The following SORCS1 variants were observed in gnomAD, a reference collection of about 807,000 sequenced individuals.
The protein encoded by SORCS1 is VPS10 domain-containing receptor SorCS1.
SORCS1 carries 60 observed loss-of-function variants against 146.1 expected under a neutral mutation model. The ratio of observed to expected loss-of-function variants is 0.41; its 90% CI spans 0.33 to 0.51. The LOEUF (loss-of-function observed/expected upper bound fraction) is 0.51. Among genes scored for constraint, SORCS1 ranks in the 20% least tolerant of loss-of-function variants. The probability of loss-of-function intolerance (pLI) is 0.21; values close to 1 mark genes in which losing one functional copy is unlikely to be tolerated. For synonymous variants in SORCS1, 637 were observed against 584.0 expected (o/e 1.09, Z -1.31); for missense variants, 1,352 against 1,487.6 (o/e 0.91, Z 1.50).
In SORCS1 at chr10:106,706,651, A is replaced by G; in HGVS notation, c.1144-17T>C. The G allele has an allele frequency of 1.9e-6, 3 of 1,613,278 alleles. No individual in the cohort carries two copies. The highest frequency in any genetic ancestry group is 2.5e-6 in the Non-Finnish European group (3 of 1,179,226). On this transcript the variant is annotated splice_polypyrimidine_tract_variant and intron_variant, in intron 7 of 25. Transcript: ENST00000263054. ...TGATGTCAGCTGGATCATAAAAACA[A>G]GACTGTAAGAAGCTCGAGCTACTGT...
At chr10:106,704,981 C>T (rs1854414953) in intron 8 of SORCS1, among the ~76,000 whole-genome samples, 2 of 152,056 alleles carry the variant, frequency 1.3e-5, no homozygotes, top group South Asian at 4.1e-4. Flanking sequence ...TCTGACAGAC[C>T]TTCCTAAGAG....
At chr10:106,958,649 G>C (rs1318069032) in intron 1 of SORCS1, among the ~76,000 whole-genome samples, 1 of 151,656 alleles carries the variant, frequency 6.6e-6, no homozygotes, top group Non-Finnish European at 1.5e-5. Context: ...CTACAGCACA[G>C]CTTCCTTCCT....
intron 1 of SORCS1, among the ~76,000 whole-genome samples, chr10:107,033,239 T>A (rs1317051854): frequency 2.6e-5 from 4 of 152,038 alleles, no homozygotes; most frequent in African/African-American, 9.7e-5. Flanking sequence ...GAGAACTCAC[T>A]CACCATCACG....
chr10:106,599,791 G>A (rs1045567595), intron 23 of SORCS1, among the ~76,000 whole-genome samples: 2 of 150,722 alleles, frequency 1.3e-5, no homozygotes, highest in African/African-American at 4.9e-5. Flanking sequence ...TTGAGACAGA[G>A]TTGGAGTCTT....
intron 6 of SORCS1, among the ~76,000 whole-genome samples, chr10:106,718,425 G>A (rs553037735): frequency 1.1e-4 from 17 of 152,262 alleles, no homozygotes; most frequent in East Asian, 5.8e-4. Context: ...TGGTGTGCCC[G>A]GAGTTTATTC....
intron 1 of SORCS1, among the ~76,000 whole-genome samples, chr10:107,119,381 G>T (rs1445035307): frequency 6.6e-6 from 1 of 152,160 alleles, no homozygotes; most frequent in Admixed American, 6.5e-5. Context: ...GAAAGGCTAT[G>T]GTTTGTATAT....
chr10:106,630,848 T>TA (rs200290220), intron 18 of SORCS1, among the ~76,000 whole-genome samples: 11,886 of 142,092 alleles, frequency 0.084, 536 homozygotes, highest in East Asian at 0.21. Context: ...CCCAGACCTG[T>TA]AAAAAAAAAA....
chr10:106,732,482 C>A (rs571664166), intron 5 of SORCS1, among the ~76,000 whole-genome samples: 121 of 152,274 alleles, frequency 7.9e-4, no homozygotes, highest in African/African-American at 2.8e-3. Context: ...AAGCCTCAAT[C>A]CAGAAAGCTC....
intron 1 of SORCS1, among the ~76,000 whole-genome samples, chr10:106,963,115 T>TTTTTTTTTTTTA (rs1420203635): frequency 9.7e-6 from 1 of 103,474 alleles, no homozygotes; most frequent in Non-Finnish European, 1.8e-5. Flanking sequence ...CCAGAATTTT[T>TTTTTTTTTTTTA]TTTTTTTTTT....
intron 2 of SORCS1, among the ~76,000 whole-genome samples, chr10:106,851,210 G>C (rs995303891): frequency 7.9e-5 from 12 of 152,052 alleles, no homozygotes; most frequent in African/African-American, 2.9e-4. Context: ...AATGAAGTCT[G>C]GATTACCCAT....
intron 2 of SORCS1, among the ~76,000 whole-genome samples, chr10:106,842,816 T>C (rs1767817387): frequency 6.6e-6 from 1 of 151,882 alleles, no homozygotes; most frequent in South Asian, 2.1e-4. Context: ...TTTCACCATG[T>C]AGGCCAGGCT....
intron 2 of SORCS1, among the ~76,000 whole-genome samples, chr10:106,871,359 A>G (rs187089187): frequency 6.6e-5 from 10 of 152,188 alleles, no homozygotes; most frequent in Non-Finnish European, 1.0e-4. Flanking sequence ...AACCAGAACT[A>G]CCATTCCACC....
intron 2 of SORCS1, among the ~76,000 whole-genome samples, chr10:106,881,201 A>G (rs989106575): frequency 1.3e-5 from 2 of 152,170 alleles, no homozygotes; most frequent in African/African-American, 4.8e-5. Flanking sequence ...AGGGACAGCT[A>G]GACCTTCATT....
intron 1 of SORCS1, among the ~76,000 whole-genome samples, chr10:107,044,692 G>A (rs558732029): frequency 6.0e-5 from 9 of 150,700 alleles, no homozygotes; most frequent in African/African-American, 1.7e-4. Flanking sequence ...GTGTTGTGGC[G>A]GGCGTCTGTA....
At chr10:106,906,068 G>C (rs751222392) in intron 2 of SORCS1, among the ~76,000 whole-genome samples, 1 of 152,142 alleles carries the variant, frequency 6.6e-6, no homozygotes, top group South Asian at 2.1e-4. Flanking sequence ...TTTTCATGCT[G>C]CTGATAAAGA....
At chr10:106,623,265 C>G (rs1589500061) in intron 19 of SORCS1, among the ~76,000 whole-genome samples, 1 of 138,514 alleles carries the variant, frequency 7.2e-6, no homozygotes, top group Non-Finnish European at 1.5e-5. Flanking sequence ...TTTTTTGAGA[C>G]AGAGTCTCAC....
chr10:106,748,756 G>A (rs963614114), intron 5 of SORCS1, among the ~76,000 whole-genome samples: 1 of 152,144 alleles, frequency 6.6e-6, no homozygotes, highest in Non-Finnish European at 1.5e-5. Context: ...CTGTGTGTGA[G>A]TGTGTGTAAC....
At chr10:107,014,796 C>T (rs969631881) in intron 1 of SORCS1, among the ~76,000 whole-genome samples, 1 of 152,154 alleles carries the variant, frequency 6.6e-6, no homozygotes, top group Admixed American at 6.5e-5. Flanking sequence ...TTTAAATTTA[C>T]CTTTTCACCA....
At chr10:106,805,764 T>C (rs1022142125) in intron 3 of SORCS1, among the ~76,000 whole-genome samples, 9 of 151,978 alleles carry the variant, frequency 5.9e-5, no homozygotes, top group African/African-American at 2.2e-4. Context: ...GGAAATAGAT[T>C]TAAAAAAAAA....
Sources: allele counts gnomAD v4.1 joint callset (sites outside exome capture counted in the v4.1 genomes callset), GRCh38; gene constraint gnomAD v4.1.1; transcripts MANE v1.5; gene names NCBI Gene and HGNC (gene_info 2026-07-23, HGNC 2026-07-21).